The following CFAP100 variants were observed in gnomAD, a reference collection of about 807,000 sequenced individuals.
CFAP100 encodes the protein cilia and flagella associated protein 100, also known as cilia- and flagella-associated protein 100.
In CFAP100, 70 loss-of-function variants were observed where a neutral mutation model predicts 81.5. That is an observed-to-expected ratio of 0.86 (90% CI 0.71 to 1.05). The LOEUF is 1.05. Among genes scored for constraint, CFAP100 ranks in the 50% least tolerant of loss-of-function variants. CFAP100 has a pLI of 0.00. For synonymous variants in CFAP100, 341 were observed against 314.8 expected, an observed-to-expected ratio of 1.08 and a Z score of -0.88; for missense variants, 811 against 776.5, an observed-to-expected ratio of 1.04 and a Z score of -0.53.
At position 126,436,369 on chromosome 3, in the gene CFAP100, A is replaced by G. The variant is rs199921730; in HGVS notation, c.1801A>G (p.Lys601Glu). 12 of 1,613,890 alleles carry G rather than the reference A, an allele frequency of 7.4e-6. No individual in the cohort carries two copies. The East Asian group carries it at 1.1e-4, about 15-fold the overall frequency. ...KQQSEHTLMD[K>E]EEEELLFFFT ...ACAGTCTGAGCACACACTGATGGAC[A>G]AGGAGGAGGAGGAGCTGCTATTTTT... The change falls in exon 17 of 17, where the codon AAG becomes GAG. Residue 601 changes from lysine to glutamate, a missense_variant. Physicochemically the swap from Lys to Glu is moderately conservative, Grantham distance 56. Transcript: ENST00000352312.
At chr3:126,428,372 G>C (rs1001621248) in intron 13 of CFAP100, among the ~76,000 whole-genome samples, 14 of 90,992 alleles carry the variant, frequency 1.5e-4, no homozygotes, top group Non-Finnish European at 3.7e-4. Flanking sequence ...GAGGGATAAA[G>C]AGAGAGAAAG....
chr3:126,430,631 C>T (rs1473090082), intron 13 of CFAP100, among the ~76,000 whole-genome samples: 1 of 151,608 alleles, frequency 6.6e-6, no homozygotes, highest in African/African-American at 2.4e-5. Context: ...TGCCCTTTTG[C>T]TCCTCTAGCT....
chr3:126,418,571 C>T (rs2083278076), intron 6 of CFAP100, 40 bp from the exon 7 acceptor site: 1 of 1,612,986 alleles, frequency 6.2e-7, no homozygotes, highest in Non-Finnish European at 8.5e-7. Flanking sequence ...CAGTGGCTGG[C>T]CCGGGCCAGG....
chr3:126,403,423 C>G (rs1460768650), intron 2 of CFAP100, among the ~76,000 whole-genome samples: 1 of 139,798 alleles, frequency 7.2e-6, no homozygotes, highest in Non-Finnish European at 1.5e-5. Flanking sequence ...CTCACTCTAT[C>G]ACACAGGCTG....
At chr3:126,433,713 A>G in intron 14 of CFAP100, 1 of 190,338 alleles carries the variant, frequency 5.3e-6, no homozygotes. Flanking sequence ...GCCATGAGCA[A>G]GACAGCGCTC....
chr3:126,419,536 C>A, intron 8 of CFAP100, 101 bp from the exon 9 acceptor site: 1 of 1,086,988 alleles, frequency 9.2e-7, no homozygotes, highest in Non-Finnish European at 1.3e-6. Context: ...AAGGAGCCCA[C>A]ACAGACTTGG....
intron 2 of CFAP100, among the ~76,000 whole-genome samples, chr3:126,401,460 A>G (rs1403432131): frequency 7.5e-6 from 1 of 133,528 alleles, no homozygotes; most frequent in East Asian, 2.3e-4. Context: ...TGTTACTGCA[A>G]TCAAAAAATG....
rs1055396400 is a variant in CFAP100, at chr3:126,436,454, C to T, written c.*50C>T. ...GCTGAAGGCTTAGCAAAGATGTTGG[C>T]AGAGGAAGCAGAGACTGGGCTGGGT... is the stretch of plus-strand genomic sequence containing the variant. On this transcript the variant is annotated 3_prime_UTR_variant, in exon 17 of 17. Transcript: ENST00000352312. 1.4e-6 allele frequency: 2 copies of T among 1,416,440 alleles called. No individual in the cohort carries two copies. Among genetic ancestry groups the T allele is most frequent in the Non-Finnish European group, 2.0e-6 (2 of 1,016,118 alleles). 87.7% of individuals were successfully genotyped at this position (1,416,440 alleles called of 1,614,324 possible). A position where few individuals can be genotyped will look rare whatever the true frequency, so the allele number is the denominator to read the frequency against.
chr3:126,419,836 G>A lies in CFAP100; in HGVS notation c.913+18G>A. 6.2e-7 allele frequency: 1 copy of A among 1,612,614 alleles called. No individual in the cohort carries two copies. The highest frequency in any genetic ancestry group is 8.5e-7 in the Non-Finnish European group (1 of 1,179,576). On this transcript the variant is annotated intron_variant, in intron 9 of 16. Coordinates refer to ENST00000352312, the MANE Select transcript of CFAP100 (RefSeq NM_182628.3). ...GGACAAAGGTAGCAGAAAAGAGAAT[G>A]TGGGTTCCCAGGTGGGCTCTGCCAG...
rs753369722 is a variant in CFAP100 at position 126,418,727 on chromosome 3, C to T, written c.603C>T (p.Asp201=). The T allele has an allele frequency of 1.4e-5, 22 of 1,596,430 alleles. No individual in the cohort carries two copies. The highest frequency in any genetic ancestry group is 7.0e-5 in the Admixed American group (4 of 57,124). The change falls in exon 7 of 17, where the codon GAC becomes GAT. Residue 201 remains aspartate (D), a synonymous_variant. Transcript: ENST00000352312. ...TGGAGAAGGACGCCGCCTTGTTCGACGAGTTCGTCAGGGAGAATGACTGCA... is the reference window on the plus strand; with the variant it reads ...TGGAGAAGGACGCCGCCTTGTTCGATGAGTTCGTCAGGGAGAATGACTGCA... ...KSLEKDAALF[D]EFVRENDCSS... is the part of the protein sequence containing the mutation.
intron 13 of CFAP100, among the ~76,000 whole-genome samples, chr3:126,424,808 G>A (rs561886433): frequency 6.6e-6 from 1 of 152,236 alleles, no homozygotes; most frequent in Non-Finnish European, 1.5e-5. Flanking sequence ...GCAGATGGGA[G>A]GGGTAGAGAA....
intron 6 of CFAP100, 42 bp from the exon 7 acceptor site, chr3:126,418,569 G>A: frequency 1.2e-6 from 2 of 1,613,520 alleles, no homozygotes; most frequent in Non-Finnish European, 1.7e-6. Context: ...AGCAGTGGCT[G>A]GCCCGGGCCA....
Position 126,395,922 on chromosome 3 carries a change from A to G in CFAP100, c.-59-20A>G. 3 of 1,275,820 alleles carry G rather than the reference A, an allele frequency of 2.4e-6. No individual in the cohort carries two copies. The highest frequency in any genetic ancestry group is 3.4e-6 in the Non-Finnish European group (3 of 878,298). 79.0% of individuals were successfully genotyped at this position (1,275,820 alleles called of 1,614,324 possible). On this transcript the variant is annotated intron_variant, in intron 1 of 16. Coordinates refer to ENST00000352312, the MANE Select transcript of CFAP100 (RefSeq NM_182628.3). ...CTGGGCTTGGGGACCACCAGGCTCA[A>G]GCACTGTGTCACTCCTCAGGTGAGG...
At chr3:126,417,971 C>T (rs1576633427) in intron 5 of CFAP100, 2 of 158,696 alleles carry the variant, frequency 1.3e-5, no homozygotes, top group South Asian at 3.8e-4. Flanking sequence ...GTCCAGACGT[C>T]CACCTCGACT....
At position 126,422,496 on chromosome 3, in the gene CFAP100, C is replaced by A. The variant is rs1007704611; in HGVS notation, c.1083-829C>A. ...TGGGGCAAGCCAGCGCAGCCCCCCC[C>A]ACCTCAGTCAGCAGGACCTGCAGAT... On this transcript the variant is annotated intron_variant, in intron 11 of 16. Coordinates refer to ENST00000352312, the MANE Select transcript of CFAP100 (RefSeq NM_182628.3). Among the ~76,000 whole-genome samples, 14 of 151,302 alleles carry A rather than the reference C, an allele frequency of 9.3e-5. 1 individual carries two copies. Among genetic ancestry groups the A allele is most frequent in the Admixed American group, 3.9e-4 (6 of 15,206 alleles).
chr3:126,429,931 C>T (rs931771969), intron 13 of CFAP100, among the ~76,000 whole-genome samples: 1 of 152,048 alleles, frequency 6.6e-6, no homozygotes, highest in African/African-American at 2.4e-5. Context: ...AGTTTTCCTG[C>T]GTATAGTATT....
At chr3:126,424,086 C>A (rs541803560) in intron 13 of CFAP100, among the ~76,000 whole-genome samples, 1 of 152,380 alleles carries the variant, frequency 6.6e-6, no homozygotes, top group African/African-American at 2.4e-5. Context: ...ATTTCGTAGA[C>A]CACTGAGCGG....
intron 2 of CFAP100, chr3:126,396,439 A>G (rs1471714731): frequency 1.0e-5 from 2 of 194,856 alleles, no homozygotes; most frequent in Non-Finnish European, 2.1e-5. Context: ...CTTCCTGCCC[A>G]TGTGGAATTC....
At chr3:126,423,072 T>G (rs889351711) in intron 11 of CFAP100, among the ~76,000 whole-genome samples, 20 of 152,200 alleles carry the variant, frequency 1.3e-4, no homozygotes, top group Non-Finnish European at 5.9e-5. Context: ...GCGACAGGTC[T>G]GGAACATGGT....
Sources: gnomAD v4.1 joint callset for allele counts (sites outside exome capture counted in the v4.1 genomes callset) on GRCh38, gnomAD v4.1.1 for gene constraint, MANE v1.5 for transcripts, NCBI Gene and HGNC (gene_info 2026-07-23, HGNC 2026-07-21) for gene names.